The following HIVEP3 variants were observed in gnomAD, a reference collection of about 807,000 sequenced individuals.
HIVEP3 encodes transcription factor HIVEP3.
Under a neutral mutation model 152.8 loss-of-function variants are expected in HIVEP3, and 49 were observed. That is an observed-to-expected ratio of 0.32 (90% CI 0.26 to 0.41). The LOEUF (loss-of-function observed/expected upper bound fraction) is 0.41. Among genes scored for constraint, HIVEP3 ranks in the 10% least tolerant of loss-of-function variants. HIVEP3 has a pLI of 1.00. For missense variants in HIVEP3, 2,790 were observed against 3,103.3 expected, an observed-to-expected ratio of 0.90 and a Z score of 2.40; for synonymous variants, 1,269 against 1,289.0, an observed-to-expected ratio of 0.98 and a Z score of 0.33.
At chr1:41,612,665 T>C (rs947739150) in intron 3 of HIVEP3, among the ~76,000 whole-genome samples, 16 of 152,192 alleles carry the variant, frequency 1.1e-4, no homozygotes, top group African/African-American at 3.6e-4. Flanking sequence ...ATCAGACTCA[T>C]TTCTGTATTC....
At chr1:41,775,382 T>C (rs1648631264) in intron 1 of HIVEP3, among the ~76,000 whole-genome samples, 1 of 152,240 alleles carries the variant, frequency 6.6e-6, no homozygotes. Flanking sequence ...GGCTTCAGAA[T>C]CTAAACAAAA....
intron 2 of HIVEP3, among the ~76,000 whole-genome samples, chr1:41,642,414 G>A (rs771612148): frequency 1.3e-5 from 2 of 152,088 alleles, no homozygotes; most frequent in African/African-American, 4.8e-5. Context: ...CCATTTTAAC[G>A]TGGCTAAATC....
intron 1 of HIVEP3, among the ~76,000 whole-genome samples, chr1:41,780,527 T>C (rs1648981005): frequency 6.6e-6 from 1 of 152,160 alleles, no homozygotes; most frequent in African/African-American, 2.4e-5. Context: ...AAAGTGGCCA[T>C]GGTCAGGGCC....
intron 1 of HIVEP3, among the ~76,000 whole-genome samples, chr1:41,953,532 T>G (rs557905588): frequency 3.3e-5 from 5 of 152,352 alleles, no homozygotes; most frequent in African/African-American, 1.2e-4. Flanking sequence ...TGTCTGCCTC[T>G]TCCCTCCTAG....
intron 1 of HIVEP3, among the ~76,000 whole-genome samples, chr1:41,875,500 C>T (rs748514646): frequency 1.3e-5 from 2 of 152,266 alleles, no homozygotes; most frequent in Non-Finnish European, 2.9e-5. Flanking sequence ...CCATGTCATG[C>T]CCTGGCTTAA....
At chr1:41,702,382 T>C (rs1209481688) in intron 1 of HIVEP3, among the ~76,000 whole-genome samples, 1 of 152,126 alleles carries the variant, frequency 6.6e-6, no homozygotes, top group East Asian at 1.9e-4. Flanking sequence ...TATAATAGAG[T>C]TATTTGTATC....
chr1:41,926,234 C>T (rs191642798), intron 1 of HIVEP3, among the ~76,000 whole-genome samples: 3 of 152,300 alleles, frequency 2.0e-5, no homozygotes, highest in East Asian at 1.9e-4. Flanking sequence ...TCAACTCCCT[C>T]GTACTTTTTA....
chr1:41,779,543 G>A (rs982111040), intron 1 of HIVEP3, among the ~76,000 whole-genome samples: 11 of 152,138 alleles, frequency 7.2e-5, no homozygotes, highest in East Asian at 1.9e-4. Flanking sequence ...CCCAGCAGGC[G>A]GGAGTGCAGT....
At chr1:41,718,513 G>A (rs1269071766) in intron 1 of HIVEP3, among the ~76,000 whole-genome samples, 4 of 152,196 alleles carry the variant, frequency 2.6e-5, no homozygotes, top group African/African-American at 7.2e-5. Context: ...AATAACACTG[G>A]TATGAAGTGT....
intron 2 of HIVEP3, among the ~76,000 whole-genome samples, chr1:41,669,225 G>A (rs1365368638): frequency 1.3e-5 from 2 of 152,156 alleles, no homozygotes; most frequent in Non-Finnish European, 2.9e-5. Context: ...TGAGTCAGGC[G>A]AACTTATAAG....
intron 1 of HIVEP3, among the ~76,000 whole-genome samples, chr1:41,762,400 G>A (rs547384619): frequency 6.6e-6 from 1 of 152,274 alleles, no homozygotes; most frequent in African/African-American, 2.4e-5. Flanking sequence ...ATCAGCAGAG[G>A]GCAGCCACCC....
chr1:42,025,846 G>T (rs1645578693), intron 1 of HIVEP3, among the ~76,000 whole-genome samples: 1 of 152,204 alleles, frequency 6.6e-6, no homozygotes, highest in Non-Finnish European at 1.5e-5. Context: ...GAGCAGAACA[G>T]ATCGCTTGAA....
intron 6 of HIVEP3, among the ~76,000 whole-genome samples, chr1:41,522,064 A>G (rs1346336521): frequency 6.6e-6 from 1 of 152,210 alleles, no homozygotes; most frequent in African/African-American, 2.4e-5. Flanking sequence ...GACAGACAGG[A>G]AGGCAGGAGG....
At chr1:41,763,984 C>A (rs1647850858) in intron 1 of HIVEP3, among the ~76,000 whole-genome samples, 1 of 152,150 alleles carries the variant, frequency 6.6e-6, no homozygotes, top group African/African-American at 2.4e-5. Flanking sequence ...GCTCTCCCAG[C>A]AGAGGTCATC....
chr1:41,836,594 G>A (rs895633440), intron 1 of HIVEP3, among the ~76,000 whole-genome samples: 2 of 152,220 alleles, frequency 1.3e-5, no homozygotes, highest in African/African-American at 4.8e-5. Flanking sequence ...CAATGAAACT[G>A]GTCATGTGGA....
chr1:41,558,200 G>A (rs1042447189), intron 5 of HIVEP3, among the ~76,000 whole-genome samples: 13 of 152,236 alleles, frequency 8.5e-5, no homozygotes, highest in East Asian at 1.9e-4. Context: ...GATGCCCCCC[G>A]GCCCAGGCAG....
intron 1 of HIVEP3, chr1:41,847,352 A>G (rs1643471597): frequency 6.6e-6 from 1 of 152,222 alleles, no homozygotes; most frequent in Non-Finnish European, 1.5e-5. Context: ...GTTGCTCTAG[A>G]AAGTTGTTCA....
At chr1:42,000,988 A>G (rs545685500) in intron 1 of HIVEP3, among the ~76,000 whole-genome samples, 56 of 152,360 alleles carry the variant, frequency 3.7e-4, no homozygotes, top group African/African-American at 1.3e-3. Flanking sequence ...AATACTTGCA[A>G]CAACCCCATG....
At chr1:41,777,293 A>C (rs867460274) in intron 1 of HIVEP3, among the ~76,000 whole-genome samples, 1 of 152,208 alleles carries the variant, frequency 6.6e-6, no homozygotes, top group Non-Finnish European at 1.5e-5. Context: ...GCGGGGACTC[A>C]CACTGCCTCC....
Sources: gnomAD v4.1 joint callset for allele counts (sites outside exome capture counted in the v4.1 genomes callset) on GRCh38, gnomAD v4.1.1 for gene constraint, MANE v1.5 for transcripts, NCBI Gene and HGNC (gene_info 2026-07-23, HGNC 2026-07-21) for gene names.